The following MDGA2 variants were observed in gnomAD, a reference collection of about 807,000 sequenced individuals.
The protein encoded by MDGA2 is MAM domain-containing glycosylphosphatidylinositol anchor protein 2.
MDGA2 carries 40 observed loss-of-function variants against 117.8 expected under a neutral mutation model. The observed-to-expected ratio is 0.34, with a 90% CI of 0.26 to 0.44. The LOEUF is 0.44. MDGA2 is among the 20% of genes least tolerant of loss of function. MDGA2 has a pLI of 1.00. For synonymous variants in MDGA2, 452 were observed against 439.0 expected (o/e 1.03, Z -0.37); for missense variants, 1,123 against 1,250.6 (o/e 0.90, Z 1.54).
chr14:47,669,309 A>G (rs1193844666), intron 1 of MDGA2, among the ~76,000 whole-genome samples: 1 of 152,192 alleles, frequency 6.6e-6, no homozygotes, highest in African/African-American at 2.4e-5. Context: ...GCCTTCCTGG[A>G]ATTACTTTTG....
chr14:47,172,199 G>A (rs1327995709), intron 3 of MDGA2, among the ~76,000 whole-genome samples: 1 of 152,168 alleles, frequency 6.6e-6, no homozygotes, highest in African/African-American at 2.4e-5. Context: ...TGCCTCTGTA[G>A]GCCCCGCCTC....
At chr14:47,234,548 A>C (rs1886797496) in intron 2 of MDGA2, among the ~76,000 whole-genome samples, 1 of 152,142 alleles carries the variant, frequency 6.6e-6, no homozygotes, top group African/African-American at 2.4e-5. Context: ...AATATGTTCA[A>C]ATATCAATTT....
rs185902051 is a variant in MDGA2 at position 47,531,021 on chromosome 14, G to A, written c.280+143496C>T. 1.3e-3 allele frequency among the ~76,000 whole-genome samples: 203 copies of A among 152,130 alleles called. 1 individual carries two copies. Among genetic ancestry groups the A allele is most frequent in the East Asian group, 7.0e-3 (36 of 5,152 alleles). The stretch of plus-strand genomic sequence containing the variant: ...AGCACTTTGGGAGGCCGAGGTGGGC[G>A]GATCACAAGGTCAGGAGATTGAGAC... On this transcript the variant is annotated intron_variant, in intron 1 of 16. Transcript: ENST00000399232.
chr14:47,491,554 A>G (rs1894170090), intron 1 of MDGA2, among the ~76,000 whole-genome samples: 1 of 152,130 alleles, frequency 6.6e-6, no homozygotes, highest in Admixed American at 6.6e-5. Flanking sequence ...TCCTTAGCCA[A>G]AGTATGCAGA....
intron 2 of MDGA2, among the ~76,000 whole-genome samples, chr14:47,250,266 GGA>G (rs1887400495): frequency 1.3e-5 from 2 of 152,158 alleles, no homozygotes; most frequent in African/African-American, 4.8e-5. Flanking sequence ...CTCAAAACTT[GGA>G]ACAGACCACA....
chr14:47,610,298 G>C (rs545622426), intron 1 of MDGA2, among the ~76,000 whole-genome samples: 2 of 152,168 alleles, frequency 1.3e-5, no homozygotes, highest in East Asian at 3.9e-4. Flanking sequence ...CTTCAACATA[G>C]TACTGGAAGT....
At chr14:47,357,272 C>T (rs528206991) in intron 1 of MDGA2, among the ~76,000 whole-genome samples, 1 of 152,220 alleles carries the variant, frequency 6.6e-6, no homozygotes, top group African/African-American at 2.4e-5. Context: ...TTGTCAGACA[C>T]CAGACTTGCT....
At chr14:47,155,776 C>T (rs905487847) in intron 3 of MDGA2, among the ~76,000 whole-genome samples, 1 of 151,794 alleles carries the variant, frequency 6.6e-6, no homozygotes, top group South Asian at 2.1e-4. Flanking sequence ...AAAACTTGGG[C>T]AAAGGTGCCA....
chr14:47,404,188 AC>A (rs1248458146), intron 1 of MDGA2, among the ~76,000 whole-genome samples: 2 of 115,462 alleles, frequency 1.7e-5, no homozygotes, highest in African/African-American at 6.0e-5. Context: ...TATAATACCA[AC>A]CTTTTTTTTT....
intron 1 of MDGA2, among the ~76,000 whole-genome samples, chr14:47,385,201 C>T (rs1410873467): frequency 3.3e-5 from 5 of 151,912 alleles, no homozygotes. Flanking sequence ...AAGTAAATTG[C>T]ATATTAAGTC....
intron 8 of MDGA2, among the ~76,000 whole-genome samples, chr14:46,998,924 T>C (rs1380312671): frequency 6.6e-6 from 1 of 152,092 alleles, no homozygotes; most frequent in Non-Finnish European, 1.5e-5. Flanking sequence ...CAACTACAAA[T>C]TGTTCTATCA....
chr14:47,225,027 T>A (rs571187975), intron 2 of MDGA2, among the ~76,000 whole-genome samples: 1 of 152,262 alleles, frequency 6.6e-6, no homozygotes, highest in East Asian at 1.9e-4. Context: ...CTGAATCTGT[T>A]TTTATAAAAA....
Position 47,038,923 on chromosome 14 carries a change from C to G in MDGA2, c.1526-3619G>C, listed in dbSNP as rs184482804. On this transcript the variant is annotated intron_variant, in intron 7 of 16. Transcript: ENST00000399232. ...CAAGATCATACCACTGCACTCCAGCCTGGGCAACGGAGTGAGACTCCATCT... is the reference window on the plus strand; with the variant it reads ...CAAGATCATACCACTGCACTCCAGCGTGGGCAACGGAGTGAGACTCCATCT... 2.7e-4 allele frequency among the ~76,000 whole-genome samples: 40 copies of G among 150,644 alleles called. No individual in the cohort carries two copies. In the East Asian group the frequency reaches 7.1e-3, roughly 27 times the overall value.
At chr14:47,111,100 A>G (rs1316269383) in intron 5 of MDGA2, among the ~76,000 whole-genome samples, 3 of 152,316 alleles carry the variant, frequency 2.0e-5, no homozygotes, top group East Asian at 3.9e-4. Flanking sequence ...TGTCCTAGAC[A>G]TTCTCCAAAA....
chr14:47,652,517 T>C (rs553916081), intron 1 of MDGA2, among the ~76,000 whole-genome samples: 1 of 152,312 alleles, frequency 6.6e-6, no homozygotes, highest in Non-Finnish European at 1.5e-5. Flanking sequence ...AAAATACTGA[T>C]TTGTTCAAGT....
At chr14:46,969,415 T>C (rs1438399027) in intron 8 of MDGA2, among the ~76,000 whole-genome samples, 2 of 152,120 alleles carry the variant, frequency 1.3e-5, no homozygotes, top group Non-Finnish European at 2.9e-5. Context: ...GCACCTGTTG[T>C]TTCTTGACTT....
intron 14 of MDGA2, among the ~76,000 whole-genome samples, chr14:46,857,683 C>T (rs1394132851): frequency 1.3e-5 from 2 of 151,988 alleles, no homozygotes; most frequent in Non-Finnish European, 2.9e-5. Flanking sequence ...GAGATGGGGT[C>T]TTGCTCTGTC....
chr14:47,433,300 T>C (rs1176230389), intron 1 of MDGA2, among the ~76,000 whole-genome samples: 1 of 152,040 alleles, frequency 6.6e-6, no homozygotes, highest in Non-Finnish European at 1.5e-5. Context: ...ACTTGGTTTC[T>C]TGGCTAGGAT....
intron 2 of MDGA2, among the ~76,000 whole-genome samples, chr14:47,289,460 A>T (rs1888806123): frequency 6.6e-6 from 1 of 151,812 alleles, no homozygotes; most frequent in African/African-American, 2.4e-5. Context: ...GGTTAATCTG[A>T]GGAACAAAAA....
Sources: gnomAD v4.1 joint callset for allele counts (sites outside exome capture counted in the v4.1 genomes callset) on GRCh38, gnomAD v4.1.1 for gene constraint, MANE v1.5 for transcripts, NCBI Gene and HGNC (gene_info 2026-07-23, HGNC 2026-07-21) for gene names.